PAX5: variants seen among roughly 807,000 people sequenced by gnomAD.
PAX5 encodes paired box protein Pax-5.
PAX5 carries 9 observed loss-of-function variants against 43.7 expected under a neutral mutation model. The observed-to-expected ratio is 0.21, with a 90% CI of 0.12 to 0.36. The LOEUF (loss-of-function observed/expected upper bound fraction) is 0.36. PAX5 is among the 10% of genes least tolerant of loss of function. PAX5 has a pLI of 1.00. For synonymous variants in PAX5, 228 were observed against 214.3 expected (o/e 1.06, Z -0.56); for missense variants, 383 against 532.7 (o/e 0.72, Z 2.77).
rs112579301 is a variant in PAX5 at position 36,854,652 on chromosome 9, G to A, written c.1013-7723C>T. Among the ~76,000 whole-genome samples the A allele has an allele frequency of 7.7e-3, 1,171 of 152,202 alleles. 10 individuals carry two copies. Among genetic ancestry groups the A allele is most frequent in the African/African-American group, 0.026 (1,088 of 41,512 alleles). Reference sequence around the variant, plus strand: ...CCCTCGCAGGCCAAGGCTTCTCACCGTTCCTCTCTCCACAGCAAGACCTTC... The same window carrying A: ...CCCTCGCAGGCCAAGGCTTCTCACCATTCCTCTCTCCACAGCAAGACCTTC... On this transcript the variant is annotated intron_variant, in intron 8 of 9. Transcript: ENST00000358127.
Position 36,840,652 on chromosome 9 carries a change from GA to G in PAX5, c.1100-17del. On this transcript the variant is annotated splice_polypyrimidine_tract_variant and intron_variant, in intron 9 of 9. Coordinates refer to ENST00000358127, the MANE Select transcript of PAX5 (RefSeq NM_016734.3). ...TAGGGGGAGCCTGGAAGAGACGGGA[GA>G]GAGCACCGAGGTCAGATCCGGGGTC... is the stretch of plus-strand genomic sequence containing the variant. The G allele has an allele frequency of 6.6e-7, 1 of 1,521,362 alleles. No homozygotes were observed. Among genetic ancestry groups the G allele is most frequent in the Non-Finnish European group, 8.9e-7 (1 of 1,119,796 alleles). 94.2% of individuals were successfully genotyped at this position (1,521,362 alleles called of 1,614,324 possible). A position where few individuals can be genotyped will look rare whatever the true frequency, so the allele number is the denominator to read the frequency against.
rs372832154 is a variant in PAX5 at position 36,982,718 on chromosome 9, C to T, written c.605-15994G>A. ...GACTGAGGCCCCTGGGAGCTTAGCACCCATGGAGCGGGGTCACGTAGCTTT... is the reference window on the plus strand; with the variant it reads ...GACTGAGGCCCCTGGGAGCTTAGCATCCATGGAGCGGGGTCACGTAGCTTT... On this transcript the variant is annotated intron_variant, in intron 5 of 9. Transcript: ENST00000358127. Among the ~76,000 whole-genome samples, 10 of 152,174 alleles carry T rather than the reference C, an allele frequency of 6.6e-5. No individual in the cohort carries two copies. The East Asian group carries it at 1.9e-3, about 29-fold the overall frequency.
intron 8 of PAX5, among the ~76,000 whole-genome samples, chr9:36,850,240 G>T (rs573327746): frequency 5.3e-4 from 81 of 152,344 alleles, no homozygotes; most frequent in Non-Finnish European, 8.5e-4. Context: ...ATTAGGGCTG[G>T]GATCAGCCAA....
intron 6 of PAX5, among the ~76,000 whole-genome samples, chr9:36,933,524 C>G (rs1317905850): frequency 1.3e-5 from 2 of 152,192 alleles, no homozygotes; most frequent in African/African-American, 4.8e-5. Flanking sequence ...AGAGGGGAGC[C>G]CTGCTGCCCA....
At chr9:36,878,276 C>T (rs1391059341) in intron 8 of PAX5, among the ~76,000 whole-genome samples, 3 of 152,212 alleles carry the variant, frequency 2.0e-5, no homozygotes, top group Admixed American at 2.0e-4. Context: ...CTCCCTTAGC[C>T]AACATTCACA....
At position 36,837,118 on chromosome 9, in the gene PAX5, C is replaced by A. The variant is rs1342120840; in HGVS notation, c.*3442G>T. 1 of 232,936 alleles carries A rather than the reference C, an allele frequency of 4.3e-6. No individual in the cohort carries two copies. The highest frequency in any genetic ancestry group is 2.2e-5 in the African/African-American group (1 of 45,282). 14.4% of individuals were successfully genotyped at this position (232,936 alleles called of 1,614,324 possible). On this transcript the variant is annotated 3_prime_UTR_variant, in exon 10 of 10. Coordinates refer to ENST00000358127, the MANE Select transcript of PAX5 (RefSeq NM_016734.3). ...ATGGGGGTGGGGGAGTGTCTTTAAGCCATACACTCCCATGACAGGAGCACA... is the reference window on the plus strand; with the variant it reads ...ATGGGGGTGGGGGAGTGTCTTTAAGACATACACTCCCATGACAGGAGCACA...
intron 5 of PAX5, among the ~76,000 whole-genome samples, chr9:36,975,420 C>T (rs1588126149): frequency 6.6e-6 from 1 of 150,752 alleles, no homozygotes; most frequent in Non-Finnish European, 1.5e-5. Context: ...GAGTCTTGCT[C>T]TGTTGCCCAG....
intron 8 of PAX5, among the ~76,000 whole-genome samples, chr9:36,880,589 G>T (rs1826324677): frequency 6.6e-6 from 1 of 152,188 alleles, no homozygotes; most frequent in African/African-American, 2.4e-5. Flanking sequence ...TTGAGACAGG[G>T]TATCGCTCTG....
rs948112992 is a variant in PAX5 at position 37,015,800 on chromosome 9, G to A, written c.213-606C>T. On this transcript the variant is annotated intron_variant, in intron 2 of 9. Transcript: ENST00000358127. The surrounding 1 kb of genome is among the most constrained non-coding windows in gnomAD (Gnocchi z 4.4). ...TCACCATGTTAGTCAGGCTGGTCTC[G>A]AACTCCCGACCTCAGGTTATCCGCC... Among the ~76,000 whole-genome samples the A allele has an allele frequency of 3.9e-5, 6 of 151,938 alleles. No homozygotes were observed. Among genetic ancestry groups the A allele is most frequent in the South Asian group, 2.1e-4 (1 of 4,802 alleles).
At chr9:36,925,777 G>T (rs1355906968) in intron 6 of PAX5, among the ~76,000 whole-genome samples, 2 of 152,176 alleles carry the variant, frequency 1.3e-5, no homozygotes, top group Non-Finnish European at 2.9e-5. Flanking sequence ...TTTCTGGCCT[G>T]GGATGCTCAC....
chr9:36,988,345 T>C (rs1297541818), intron 5 of PAX5, among the ~76,000 whole-genome samples: 1 of 151,960 alleles, frequency 6.6e-6, no homozygotes, highest in African/African-American at 2.4e-5. Context: ...AGCTGAACAA[T>C]CCTATCATGA....
Position 37,027,256 on chromosome 9 carries a change from G to T in PAX5, c.47-6455C>A, listed in dbSNP as rs565575421. ...CTTCCGCCCCTGACGCTGGGGCCGCGACTCCGGAGTCCCCGGGAGCGTGCA... is the reference window on the plus strand; with the variant it reads ...CTTCCGCCCCTGACGCTGGGGCCGCTACTCCGGAGTCCCCGGGAGCGTGCA... On this transcript the variant is annotated intron_variant, in intron 1 of 9. Coordinates refer to ENST00000358127, the MANE Select transcript of PAX5 (RefSeq NM_016734.3). Among the ~76,000 whole-genome samples the T allele has an allele frequency of 2.0e-5, 3 of 152,340 alleles. No individual in the cohort carries two copies. In the South Asian group the frequency reaches 6.2e-4, roughly 32 times the overall value.
intron 8 of PAX5, among the ~76,000 whole-genome samples, chr9:36,853,084 C>T (rs554547696): frequency 1.3e-5 from 2 of 152,292 alleles, no homozygotes; most frequent in Non-Finnish European, 2.9e-5. Flanking sequence ...CTTATGCTTG[C>T]TTGTCATATC....
intron 5 of PAX5, among the ~76,000 whole-genome samples, chr9:36,989,864 C>A (rs534683091): frequency 6.6e-6 from 1 of 152,352 alleles, no homozygotes; most frequent in African/African-American, 2.4e-5. Context: ...GAACCAGGCC[C>A]TGTGCTGGGC....
intron 6 of PAX5, among the ~76,000 whole-genome samples, chr9:36,936,926 T>C (rs1831609645): frequency 6.6e-6 from 1 of 152,052 alleles, no homozygotes; most frequent in South Asian, 2.1e-4. Flanking sequence ...CAGAAGGAAC[T>C]TCCTAACACG....
intron 5 of PAX5, among the ~76,000 whole-genome samples, chr9:36,984,343 T>C (rs1219096851): frequency 1.3e-5 from 2 of 151,970 alleles, no homozygotes; most frequent in South Asian, 2.1e-4. Context: ...AGAGCAGTTA[T>C]ATGCACAGGC....
intron 5 of PAX5, among the ~76,000 whole-genome samples, chr9:36,986,362 C>T (rs1166909986): frequency 6.8e-6 from 1 of 147,622 alleles, no homozygotes; most frequent in Non-Finnish European, 1.5e-5. Context: ...CCCGCCGCGG[C>T]CGCGCCGGCG....
chr9:36,883,984 T>C (rs1290720891), intron 7 of PAX5, among the ~76,000 whole-genome samples: 3 of 150,660 alleles, frequency 2.0e-5, no homozygotes, highest in Non-Finnish European at 3.0e-5. Flanking sequence ...TTAGAAGAAA[T>C]AGAAAAAGTT....
At chr9:37,024,396 G>A (rs992387198) in intron 1 of PAX5, among the ~76,000 whole-genome samples, 2 of 152,266 alleles carry the variant, frequency 1.3e-5, no homozygotes, top group South Asian at 4.1e-4. Context: ...GGCAGGGAGC[G>A]GTAACAGGAA....
Sources: allele counts gnomAD v4.1 joint callset (sites outside exome capture counted in the v4.1 genomes callset), GRCh38; gene constraint gnomAD v4.1.1; non-coding constraint Gnocchi (gnomAD v3.1); transcripts MANE v1.5; gene names NCBI Gene and HGNC (gene_info 2026-07-23, HGNC 2026-07-21).